The following CFAP299 variants were observed in gnomAD, a reference collection of about 807,000 sequenced individuals.
The protein encoded by CFAP299 is cilia- and flagella-associated protein 299.
CFAP299 carries 21 observed loss-of-function variants against 27.0 expected under a neutral mutation model. That is an observed-to-expected ratio of 0.78 (90% CI 0.55 to 1.12). The LOEUF is 1.12. Among genes scored for constraint, CFAP299 ranks in the 50% most tolerant of loss-of-function variants. CFAP299 has a pLI of 0.00. For synonymous variants in CFAP299, 104 were observed against 98.1 expected (o/e 1.06, Z -0.36); for missense variants, 310 against 276.6 (o/e 1.12, Z -0.86).
intron 3 of CFAP299, among the ~76,000 whole-genome samples, chr4:80,856,273 G>C (rs1424092285): frequency 6.9e-6 from 1 of 145,206 alleles, no homozygotes; most frequent in South Asian, 2.3e-4. Context: ...TTGTAAATTT[G>C]TTTGAGTTCA....
At chr4:80,945,937 T>C (rs1737448169) in intron 5 of CFAP299, among the ~76,000 whole-genome samples, 1 of 151,878 alleles carries the variant, frequency 6.6e-6, no homozygotes, top group African/African-American at 2.4e-5. Context: ...GCAGATCACC[T>C]GAGGTCAGGA....
intron 4 of CFAP299, among the ~76,000 whole-genome samples, chr4:80,926,782 T>A (rs112545845): frequency 6.6e-6 from 1 of 152,086 alleles, no homozygotes; most frequent in Non-Finnish European, 1.5e-5. Context: ...GAAAGAGTTC[T>A]GATATAGGAA....
intron 3 of CFAP299, among the ~76,000 whole-genome samples, chr4:80,865,155 C>T (rs1411416689): frequency 6.6e-6 from 1 of 152,066 alleles, no homozygotes; most frequent in Non-Finnish European, 1.5e-5. Flanking sequence ...GCTATCTAGC[C>T]ATAATAAAAT....
intron 3 of CFAP299, among the ~76,000 whole-genome samples, chr4:80,754,752 A>G (rs987777602): frequency 2.0e-5 from 3 of 152,050 alleles, no homozygotes; most frequent in African/African-American, 7.2e-5. Flanking sequence ...GCAATTTGTT[A>G]AAAATGCTCT....
chr4:80,390,475 TCTC>T (rs1162414693), intron 2 of CFAP299, among the ~76,000 whole-genome samples: 1 of 147,082 alleles, frequency 6.8e-6, no homozygotes, highest in Non-Finnish European at 1.5e-5. Context: ...TGAGCAATTC[TCTC>T]CTCTCTCTCT....
intron 3 of CFAP299, among the ~76,000 whole-genome samples, chr4:80,790,804 T>C (rs1370432848): frequency 1.3e-5 from 2 of 152,076 alleles, no homozygotes; most frequent in African/African-American, 4.8e-5. Context: ...CGGGGAGAAT[T>C]GTTTGCTAAA....
At chr4:80,553,836 T>C (rs1224007810) in intron 2 of CFAP299, among the ~76,000 whole-genome samples, 1 of 152,158 alleles carries the variant, frequency 6.6e-6, no homozygotes, top group Non-Finnish European at 1.5e-5. Flanking sequence ...GCCCACTTTT[T>C]AATGGGGTTT....
At chr4:80,865,866 C>A (rs1732692590) in intron 3 of CFAP299, among the ~76,000 whole-genome samples, 1 of 124,522 alleles carries the variant, frequency 8.0e-6, no homozygotes, top group African/African-American at 3.1e-5. Context: ...GGGAATTGAA[C>A]AATGAAAACA....
intron 2 of CFAP299, among the ~76,000 whole-genome samples, chr4:80,562,880 A>G (rs892065596): frequency 6.6e-6 from 1 of 151,934 alleles, no homozygotes; most frequent in African/African-American, 2.4e-5. Context: ...GATACCAAAA[A>G]AGAGCAGGAG....
intron 2 of CFAP299, among the ~76,000 whole-genome samples, chr4:80,570,914 A>G (rs1735550867): frequency 6.6e-6 from 1 of 152,174 alleles, no homozygotes; most frequent in African/African-American, 2.4e-5. Context: ...TGTGGAACAT[A>G]CTAAAGAAAT....
chr4:80,664,184 C>T (rs111323876), intron 3 of CFAP299, among the ~76,000 whole-genome samples: 7,688 of 151,996 alleles, frequency 0.051, 675 homozygotes, highest in African/African-American at 0.17. Flanking sequence ...CAAAACTGGG[C>T]GGCTGTTTGG....
chr4:80,882,016 G>C (rs1034699117), intron 4 of CFAP299, among the ~76,000 whole-genome samples: 1 of 152,068 alleles, frequency 6.6e-6, no homozygotes, highest in African/African-American at 2.4e-5. Flanking sequence ...TAAAAAATCA[G>C]TAGGTTTAAA....
At chr4:80,912,573 G>A (rs1735532490) in intron 4 of CFAP299, among the ~76,000 whole-genome samples, 1 of 152,160 alleles carries the variant, frequency 6.6e-6, no homozygotes, top group Non-Finnish European at 1.5e-5. Flanking sequence ...TTAACAGACA[G>A]AGCAGAGCTG....
Position 80,944,940 on chromosome 4 carries a change from G to A in CFAP299, c.606+1G>A. The A allele has an allele frequency of 6.2e-7, 1 of 1,609,950 alleles. No individual in the cohort carries two copies. Among genetic ancestry groups the A allele is most frequent in the Non-Finnish European group, 8.5e-7 (1 of 1,178,030 alleles). ...AAAAATTCTTAATGTGGACCCAAAG[G>A]TAATTCTTCTTTTACACTTAGTTAG... On this transcript the variant is annotated splice_donor_variant, in intron 5 of 5. Coordinates refer to ENST00000358105, the MANE Select transcript of CFAP299 (RefSeq NM_152770.3). LOFTEE classifies it high-confidence loss of function.
At chr4:80,719,485 G>A (rs775512577) in intron 3 of CFAP299, among the ~76,000 whole-genome samples, 8 of 152,056 alleles carry the variant, frequency 5.3e-5, no homozygotes, top group Non-Finnish European at 8.8e-5. Context: ...CATTTGCAAC[G>A]TATGTGAGTT....
intron 3 of CFAP299, among the ~76,000 whole-genome samples, chr4:80,850,711 A>G (rs1731470542): frequency 6.6e-6 from 1 of 152,202 alleles, no homozygotes; most frequent in African/African-American, 2.4e-5. Flanking sequence ...GGAGAATCAT[A>G]TGCTGATTTC....
rs182503888 is a variant in CFAP299 at position 80,804,672 on chromosome 4, T to C, written c.334-65321T>C. Among the ~76,000 whole-genome samples the C allele has an allele frequency of 2.0e-3, 312 of 152,276 alleles. 1 individual carries two copies. The highest frequency in any genetic ancestry group is 3.7e-3 in the Non-Finnish European group (253 of 68,006). The stretch of plus-strand genomic sequence containing the variant: ...ACTTTTTTATTTAAAGTCTATTTTG[T>C]GTGATATTTGTATAGCTACCCTCCT... On this transcript the variant is annotated intron_variant, in intron 3 of 5. Transcript: ENST00000358105.
chr4:80,652,879 A>G (rs184629930), intron 3 of CFAP299, among the ~76,000 whole-genome samples: 2 of 152,294 alleles, frequency 1.3e-5, no homozygotes, highest in Admixed American at 1.3e-4. Flanking sequence ...CCTCCAATGC[A>G]AAGTTGACGT....
intron 3 of CFAP299, among the ~76,000 whole-genome samples, chr4:80,832,639 A>G (rs1730357286): frequency 6.6e-6 from 1 of 152,064 alleles, no homozygotes; most frequent in Admixed American, 6.6e-5. Context: ...TTTAGTTTTG[A>G]CTGTTTAAGT....
Sources: allele counts gnomAD v4.1 joint callset (sites outside exome capture counted in the v4.1 genomes callset), GRCh38; gene constraint gnomAD v4.1.1; transcripts MANE v1.5; gene names NCBI Gene and HGNC (gene_info 2026-07-23, HGNC 2026-07-21).